The following SEMA6D variants were observed in gnomAD, a reference collection of about 807,000 sequenced individuals.
SEMA6D encodes semaphorin-6D.
A neutral mutation model predicts 106.6 loss-of-function variants in SEMA6D; 35 were observed. The ratio of observed to expected loss-of-function variants is 0.33; its 90% CI spans 0.25 to 0.44. SEMA6D has a LOEUF of 0.44. Ranked by LOEUF, SEMA6D falls within the 20% of genes least tolerant of loss-of-function variation. The pLI is 1.00. For synonymous variants in SEMA6D, 499 were observed against 487.7 expected, an observed-to-expected ratio of 1.02 and a Z score of -0.31; for missense variants, 1,185 against 1,345.9, an observed-to-expected ratio of 0.88 and a Z score of 1.87.
intron 1 of SEMA6D, among the ~76,000 whole-genome samples, chr15:47,198,404 T>C (rs1894501413): frequency 6.6e-6 from 1 of 152,198 alleles, no homozygotes; most frequent in African/African-American, 2.4e-5. Context: ...GTATGTATTT[T>C]TCAGGATTTG....
intron 1 of SEMA6D, among the ~76,000 whole-genome samples, chr15:47,214,682 A>G (rs2030389519): frequency 6.6e-6 from 1 of 152,228 alleles, no homozygotes; most frequent in Admixed American, 6.5e-5. Flanking sequence ...TGATACAAAT[A>G]AATAACCATC....
chr15:47,452,754 C>T (rs1315786005), intron 2 of SEMA6D, among the ~76,000 whole-genome samples: 4 of 151,876 alleles, frequency 2.6e-5, no homozygotes, highest in Non-Finnish European at 4.4e-5. Context: ...CTCTTTGGCA[C>T]ATTTTGGAGA....
At chr15:47,598,153 T>A (rs1898110) in intron 3 of SEMA6D, among the ~76,000 whole-genome samples, 2 of 151,744 alleles carry the variant, frequency 1.3e-5, no homozygotes, top group Non-Finnish European at 2.9e-5. Flanking sequence ...CCAGGAAATC[T>A]CAAGGGGTGA....
intron 1 of SEMA6D, among the ~76,000 whole-genome samples, chr15:47,215,345 G>T (rs1431744603): frequency 6.6e-6 from 1 of 151,892 alleles, no homozygotes; most frequent in South Asian, 2.1e-4. Context: ...TTTGTCCACA[G>T]ATATATTAAA....
intron 3 of SEMA6D, among the ~76,000 whole-genome samples, chr15:47,549,467 C>T (rs571970155): frequency 4.6e-5 from 7 of 152,224 alleles, no homozygotes; most frequent in African/African-American, 7.2e-5. Flanking sequence ...TCTCAGGGCA[C>T]GAAGCCACTG....
chr15:47,323,810 A>T (rs1417925796), intron 1 of SEMA6D, among the ~76,000 whole-genome samples: 2 of 152,274 alleles, frequency 1.3e-5, no homozygotes, highest in East Asian at 3.9e-4. Flanking sequence ...AAGAAATGAA[A>T]ATAATTAACC....
chr15:47,235,059 A>G (rs899509443), intron 1 of SEMA6D, among the ~76,000 whole-genome samples: 3 of 152,062 alleles, frequency 2.0e-5, no homozygotes, highest in Non-Finnish European at 1.5e-5. Context: ...ATAAGATGGT[A>G]TCTCATTGTG....
intron 1 of SEMA6D, among the ~76,000 whole-genome samples, chr15:47,343,892 G>GA (rs1363563190): frequency 6.6e-6 from 1 of 151,812 alleles, no homozygotes; most frequent in African/African-American, 2.4e-5. Context: ...AAATTTACAA[G>GA]AAAAAAACAA....
chr15:47,353,920 A>G (rs1236487098), intron 1 of SEMA6D, among the ~76,000 whole-genome samples: 1 of 152,130 alleles, frequency 6.6e-6, no homozygotes, highest in East Asian at 1.9e-4. Context: ...GCAGGCAATT[A>G]TGAAGAATAT....
intron 3 of SEMA6D, among the ~76,000 whole-genome samples, chr15:47,547,046 C>G (rs1429792687): frequency 1.3e-5 from 2 of 152,062 alleles, no homozygotes; most frequent in African/African-American, 4.8e-5. Context: ...CACAAACACA[C>G]AGATACTTCT....
intron 1 of SEMA6D, among the ~76,000 whole-genome samples, chr15:47,233,815 G>A (rs74820456): frequency 0.012 from 1,781 of 152,000 alleles, 34 homozygotes; most frequent in Admixed American, 0.012. Flanking sequence ...TAACAACTTT[G>A]TGGCATTTTG....
chr15:47,370,988 G>A (rs2039252714), intron 1 of SEMA6D, among the ~76,000 whole-genome samples: 1 of 152,246 alleles, frequency 6.6e-6, no homozygotes. Flanking sequence ...CTCTGATACA[G>A]AAGGTAAGAC....
At chr15:47,466,974 C>T (rs764362639) in intron 2 of SEMA6D, among the ~76,000 whole-genome samples, 3 of 151,688 alleles carry the variant, frequency 2.0e-5, no homozygotes, top group East Asian at 1.9e-4. Flanking sequence ...AATGATCTAC[C>T]GACCTTGGCC....
chr15:47,284,484 G>A (rs2035273192), intron 1 of SEMA6D, among the ~76,000 whole-genome samples: 1 of 152,152 alleles, frequency 6.6e-6, no homozygotes, highest in Admixed American at 6.5e-5. Context: ...ATTAGTAAAT[G>A]ATTGTGCTGC....
chr15:47,731,806 A>G (rs1596841613), intron 1 of SEMA6D, among the ~76,000 whole-genome samples: 1 of 152,348 alleles, frequency 6.6e-6, no homozygotes, highest in East Asian at 1.9e-4. Context: ...TTCACTACAC[A>G]TATATGTATA....
intron 1 of SEMA6D, among the ~76,000 whole-genome samples, chr15:47,327,698 A>G (rs1282571596): frequency 6.6e-6 from 1 of 152,222 alleles, no homozygotes; most frequent in African/African-American, 2.4e-5. Context: ...ATTAAGGAAA[A>G]CATGGCATGC....
intron 2 of SEMA6D, among the ~76,000 whole-genome samples, chr15:47,452,719 T>C (rs1193124834): frequency 6.6e-6 from 1 of 151,924 alleles, no homozygotes; most frequent in East Asian, 1.9e-4. Context: ...TAAATTACCA[T>C]AGCAAATTGT....
chr15:47,243,129 T>G (rs1219465641), intron 1 of SEMA6D, among the ~76,000 whole-genome samples: 1 of 152,092 alleles, frequency 6.6e-6, no homozygotes, highest in Non-Finnish European at 1.5e-5. Flanking sequence ...ACCTGAGTGG[T>G]TTTGGAATTT....
At chr15:47,300,029 G>T (rs2035959987) in intron 1 of SEMA6D, among the ~76,000 whole-genome samples, 1 of 152,204 alleles carries the variant, frequency 6.6e-6, no homozygotes, top group Admixed American at 6.5e-5. Flanking sequence ...TATCCTTGAT[G>T]TAGCTATTAG....
Sources: allele counts gnomAD v4.1 joint callset (sites outside exome capture counted in the v4.1 genomes callset), GRCh38; gene constraint gnomAD v4.1.1; transcripts MANE v1.5; gene names NCBI Gene and HGNC (gene_info 2026-07-23, HGNC 2026-07-21).